Variants in BCAT1 observed in about 807,000 individuals in gnomAD.
The protein encoded by BCAT1 is branched-chain-amino-acid aminotransferase, cytosolic.
A neutral mutation model predicts 52.4 loss-of-function variants in BCAT1; 48 were observed. The observed-to-expected ratio is 0.92, with a 90% CI of 0.73 to 1.16. BCAT1 has a LOEUF of 1.16. Ranked by LOEUF, BCAT1 falls within the 50% of genes most tolerant of loss-of-function variation. The pLI is 0.00. For missense variants in BCAT1, 451 were observed against 457.1 expected, an observed-to-expected ratio of 0.99 and a Z score of 0.12; for synonymous variants, 167 against 161.3, an observed-to-expected ratio of 1.04 and a Z score of -0.27.
intron 3 of BCAT1, among the ~76,000 whole-genome samples, chr12:24,883,892 T>C (rs189981318): frequency 1.3e-5 from 2 of 152,302 alleles, no homozygotes; most frequent in Admixed American, 1.3e-4. Flanking sequence ...TGATCTGAGA[T>C]GAGATGGAGC....
In BCAT1 at chr12:24,810,173, G is replaced by T. The variant is rs567842949; in HGVS notation, c.*7835C>A. On this transcript the variant is annotated 3_prime_UTR_variant, in exon 11 of 11. Coordinates refer to ENST00000261192, the MANE Select transcript of BCAT1 (RefSeq NM_005504.7). ...GACATAGCTAGAGAACAAGCCCAGT[G>T]ATTATTCTACAGACCATAGGAAGCA... 4.6e-5 allele frequency: 7 copies of T among 152,082 alleles called. No individual in the cohort carries two copies. The highest frequency in any genetic ancestry group is 1.7e-4 in the African/African-American group (7 of 41,438). 9.4% of individuals were successfully genotyped at this position (152,082 alleles called of 1,614,324 possible).
At chr12:24,905,747 G>A (rs1943215546) in intron 1 of BCAT1, among the ~76,000 whole-genome samples, 1 of 152,024 alleles carries the variant, frequency 6.6e-6, no homozygotes, top group Non-Finnish European at 1.5e-5. Flanking sequence ...GCTTAACCTA[G>A]GGGCAAGAGA....
chr12:24,902,729 G>T, intron 1 of BCAT1: 1 of 692,694 alleles, frequency 1.4e-6, no homozygotes, highest in Non-Finnish European at 2.3e-6. Flanking sequence ...CTAGACCTGG[G>T]CAGCGGGAAC....
In BCAT1 at chr12:24,934,545, G is replaced by A. The variant is rs555992974; in HGVS notation, c.6+14382C>T. On this transcript the variant is annotated intron_variant, in intron 1 of 10. Coordinates refer to ENST00000261192, the MANE Select transcript of BCAT1 (RefSeq NM_005504.7). ...TCCTGAGGCAAGAGAAAAGAAGAGG[G>A]TACAAACTTTTCTTTTTATTTTTTT... 5.9e-5 allele frequency among the ~76,000 whole-genome samples: 9 copies of A among 152,122 alleles called. No homozygotes were observed. In the South Asian group the frequency reaches 1.9e-3, roughly 32 times the overall value.
At position 24,849,926 on chromosome 12, in the gene BCAT1, A is replaced by G; in HGVS notation, c.534T>C (p.Pro178=). ...AGAGTACAAAGAGCAGGGCTTTGGT[A>G]GGCTTCTTGACTCCAAGAGAAGGCT... is the stretch of plus-strand genomic sequence containing the variant. The part of the protein sequence containing the change: ...GTEPSLGVKK[P]TKALLFVLLS... The change falls in exon 6 of 11, where the codon CCT becomes CCC. Residue 178 remains proline, a synonymous_variant. Coordinates refer to ENST00000261192, the MANE Select transcript of BCAT1 (RefSeq NM_005504.7). 5 of 1,611,596 alleles carry G rather than the reference A, an allele frequency of 3.1e-6. No homozygotes were observed. Among genetic ancestry groups the G allele is most frequent in the Non-Finnish European group, 4.2e-6 (5 of 1,178,386 alleles).
intron 5 of BCAT1, among the ~76,000 whole-genome samples, chr12:24,853,861 C>A (rs983305293): frequency 1.3e-5 from 2 of 151,828 alleles, no homozygotes; most frequent in Non-Finnish European, 2.9e-5. Context: ...TATTCAAATA[C>A]ATGAGGAATT....
chr12:24,902,305 C>T, intron 1 of BCAT1: 1 of 1,284,260 alleles, frequency 7.8e-7, no homozygotes, highest in Non-Finnish European at 9.8e-7. Flanking sequence ...CACAGACGCA[C>T]AATAGCAAGC....
intron 7 of BCAT1, among the ~76,000 whole-genome samples, chr12:24,839,089 A>G (rs1238428626): frequency 6.6e-6 from 1 of 152,248 alleles, no homozygotes; most frequent in Non-Finnish European, 1.5e-5. Context: ...CTTACTTTCT[A>G]ATAGACACAG....
intron 5 of BCAT1, among the ~76,000 whole-genome samples, chr12:24,873,023 G>A (rs1294002547): frequency 1.3e-5 from 2 of 152,208 alleles, no homozygotes; most frequent in Non-Finnish European, 2.9e-5. Context: ...GGAAATAAAG[G>A]TCTGGGTCTG....
At chr12:24,835,173 G>T (rs1414825200) in intron 8 of BCAT1, among the ~76,000 whole-genome samples, 1 of 152,174 alleles carries the variant, frequency 6.6e-6, no homozygotes, top group African/African-American at 2.4e-5. Context: ...TTTAGGACAG[G>T]GCAAGCTGTT....
chr12:24,946,411 A>T (rs1943933052), intron 1 of BCAT1, among the ~76,000 whole-genome samples: 1 of 152,246 alleles, frequency 6.6e-6, no homozygotes, highest in African/African-American at 2.4e-5. Flanking sequence ...ACACCAAATC[A>T]AGTTGCCCTG....
At chr12:24,842,326 T>G in intron 6 of BCAT1, 102 bp from the exon 7 acceptor site, 1 of 1,289,678 alleles carries the variant, frequency 7.8e-7, no homozygotes. Context: ...CATGTGGACA[T>G]AGTGAAGGTA....
chr12:24,925,675 A>G (rs940771230), intron 1 of BCAT1, among the ~76,000 whole-genome samples: 17 of 151,622 alleles, frequency 1.1e-4, no homozygotes, highest in African/African-American at 3.9e-4. Flanking sequence ...ATCTCTGCTC[A>G]CTGCAACCTC....
chr12:24,844,105 T>C (rs775374810), intron 6 of BCAT1, among the ~76,000 whole-genome samples: 8 of 152,172 alleles, frequency 5.3e-5, no homozygotes, highest in Non-Finnish European at 8.8e-5. Context: ...GCCCCTAGCA[T>C]CCTAGTTTCA....
intron 5 of BCAT1, among the ~76,000 whole-genome samples, chr12:24,861,182 T>C (rs1941839829): frequency 2.0e-5 from 3 of 152,218 alleles, no homozygotes; most frequent in African/African-American, 7.2e-5. Flanking sequence ...ACCCTGTTTG[T>C]TCCTATGAAC....
intron 5 of BCAT1, among the ~76,000 whole-genome samples, chr12:24,871,891 C>G (rs931840842): frequency 5.3e-5 from 8 of 151,950 alleles, no homozygotes; most frequent in Non-Finnish European, 1.2e-4. Flanking sequence ...AAAAACGGAG[C>G]TGTTAATATA....
intron 1 of BCAT1, chr12:24,902,224 G>A (rs970196026): frequency 2.3e-5 from 32 of 1,408,260 alleles, no homozygotes; most frequent in Non-Finnish European, 2.9e-5. Flanking sequence ...CGAGCAAATA[G>A]TCTAGACTGG....
At chr12:24,929,848 C>G (rs934855269) in intron 1 of BCAT1, among the ~76,000 whole-genome samples, 2 of 152,136 alleles carry the variant, frequency 1.3e-5, no homozygotes, top group Non-Finnish European at 2.9e-5. Flanking sequence ...TTATGGGACT[C>G]CCATGTGTAC....
intron 2 of BCAT1, among the ~76,000 whole-genome samples, chr12:24,895,516 ACT>A: frequency 6.6e-6 from 1 of 150,612 alleles, no homozygotes; most frequent in South Asian, 2.1e-4. Flanking sequence ...ACAGAGCAAG[ACT>A]CTGTCTCAGA....
Sources: allele counts gnomAD v4.1 joint callset (sites outside exome capture counted in the v4.1 genomes callset), GRCh38; gene constraint gnomAD v4.1.1; transcripts MANE v1.5; gene names NCBI Gene and HGNC (gene_info 2026-07-23, HGNC 2026-07-21).